The following CLVS1 variants were observed in gnomAD, a reference collection of about 807,000 sequenced individuals.
CLVS1 encodes the protein clavesin-1.
In CLVS1, 10 loss-of-function variants were observed where a neutral mutation model predicts 33.1. The ratio of observed to expected loss-of-function variants is 0.30; its 90% CI spans 0.19 to 0.51. The LOEUF is 0.51. CLVS1 is among the 20% of genes least tolerant of loss of function. The pLI, the probability that CLVS1 is intolerant of heterozygous loss-of-function variation, is 0.97. For missense variants in CLVS1, 343 were observed against 433.4 expected, an observed-to-expected ratio of 0.79 and a Z score of 1.85; for synonymous variants, 163 against 166.1, an observed-to-expected ratio of 0.98 and a Z score of 0.14.
chr8:61,129,420 C>T (rs1468214279), intron 1 of CLVS1, among the ~76,000 whole-genome samples: 3 of 152,210 alleles, frequency 2.0e-5, no homozygotes, highest in Non-Finnish European at 4.4e-5. Context: ...TGGGCTAAAC[C>T]TGCATTTACT....
At chr8:61,448,709 CT>C (rs1178294628) in intron 3 of CLVS1, among the ~76,000 whole-genome samples, 47 of 144,694 alleles carry the variant, frequency 3.2e-4, no homozygotes, top group Non-Finnish European at 5.8e-4. Context: ...GACCCTCTCT[CT>C]CAAAAAAAAA....
chr8:61,277,193 C>A (rs1440472088), intron 2 of CLVS1, among the ~76,000 whole-genome samples: 1 of 152,140 alleles, frequency 6.6e-6, no homozygotes, highest in African/African-American at 2.4e-5. Context: ...AAGAATGAAG[C>A]TTTTGCCCTC....
rs890580626 is a variant in CLVS1 at position 61,320,015 on chromosome 8, C to T, written c.455+19733C>T. On this transcript the variant is annotated intron_variant, in intron 2 of 5. Coordinates refer to ENST00000325897, the MANE Select transcript of CLVS1 (RefSeq NM_173519.3). ...TGTAACTGCATTTTTATCAATTTCT[C>T]GGTAGGTTTGCTTCCTTAAGTACTA... Among the ~76,000 whole-genome samples, 6 of 151,978 alleles carry T rather than the reference C, an allele frequency of 3.9e-5. 1 individual carries two copies. Among genetic ancestry groups the T allele is most frequent in the African/African-American group, 2.4e-5 (1 of 41,502 alleles).
intron 2 of CLVS1, among the ~76,000 whole-genome samples, chr8:61,266,289 CTTTCT>C (rs1002520762): frequency 9.7e-4 from 107 of 109,842 alleles, no homozygotes; most frequent in Non-Finnish European, 1.3e-3. Flanking sequence ...TCCAAATTTT[CTTTCT>C]TTTTTTTTTT....
chr8:61,398,748 G>A (rs1814635335), intron 3 of CLVS1, among the ~76,000 whole-genome samples: 1 of 152,000 alleles, frequency 6.6e-6, no homozygotes, highest in Admixed American at 6.6e-5. Flanking sequence ...TTCCCCACTT[G>A]TATTCACATG....
intron 2 of CLVS1, among the ~76,000 whole-genome samples, chr8:61,332,964 A>G (rs996714480): frequency 1.3e-5 from 2 of 152,166 alleles, no homozygotes; most frequent in African/African-American, 4.8e-5. Context: ...TTCCATCTTC[A>G]TGTATAAAGA....
chr8:61,154,315 G>C (rs904037714), intron 2 of CLVS1, among the ~76,000 whole-genome samples: 5 of 151,956 alleles, frequency 3.3e-5, no homozygotes, highest in Admixed American at 3.3e-4. Context: ...AGCTCTGAAT[G>C]AAAGTGGCTC....
chr8:61,002,689 A>G, the CLVS1 span, among the ~76,000 whole-genome samples: 1 of 152,250 alleles, frequency 6.6e-6, no homozygotes, highest in Admixed American at 6.5e-5. Flanking sequence ...TGCCTTACAC[A>G]TTTGTGAGCC....
intron 1 of CLVS1, among the ~76,000 whole-genome samples, chr8:61,290,106 A>G (rs897732972): frequency 2.6e-5 from 4 of 152,216 alleles, no homozygotes; most frequent in Non-Finnish European, 4.4e-5. Flanking sequence ...AAGAGTGTAC[A>G]TATTGCCAAT....
chr8:61,372,616 T>TAATGTTCTTTTTCTGTCCCAGGATCA (rs1813485361), intron 2 of CLVS1, among the ~76,000 whole-genome samples: 2 of 152,160 alleles, frequency 1.3e-5, no homozygotes, highest in East Asian at 1.9e-4. Flanking sequence ...AGTTTTTACT[T>TAATGTTCTTTTTCTGTCCCAGGATCA]AATGTTCTTT....
chr8:61,040,111 T>C, the CLVS1 span, among the ~76,000 whole-genome samples: 1 of 152,256 alleles, frequency 6.6e-6, no homozygotes, highest in Non-Finnish European at 1.5e-5. Context: ...TTTCCATTCC[T>C]ACATTGATTT....
At position 61,268,337 on chromosome 8, in the gene CLVS1, G is replaced by A. The variant is rs1395562315; in HGVS notation, c.-151-31340G>A. Reference sequence around the variant, plus strand: ...CAATTTCATCCATGTCCCTACAAAGGACATGAACTCATCATTTTTTATGGC... The same window carrying A: ...CAATTTCATCCATGTCCCTACAAAGAACATGAACTCATCATTTTTTATGGC... On this transcript the variant is annotated intron_variant, in intron 2 of 2. Coordinates refer to the CLVS1 transcript ENST00000522621. Among the ~76,000 whole-genome samples the A allele has an allele frequency of 3.4e-3, 510 of 151,884 alleles. 3 individuals are homozygous for A. Among genetic ancestry groups the A allele is most frequent in the African/African-American group, 0.012 (494 of 41,412 alleles).
chr8:61,384,252 A>G (rs1486861962), intron 3 of CLVS1, among the ~76,000 whole-genome samples: 2 of 152,228 alleles, frequency 1.3e-5, no homozygotes, highest in African/African-American at 4.8e-5. Flanking sequence ...CACCATGCTA[A>G]GGAGTTTGTT....
the CLVS1 span, among the ~76,000 whole-genome samples, chr8:61,047,065 G>A: frequency 7.2e-5 from 11 of 152,166 alleles, 1 homozygote; most frequent in African/African-American, 2.2e-4. Context: ...CCTGTCTTGC[G>A]CCAGTTTTCA....
chr8:61,192,046 CA>C (rs1238781818), intron 2 of CLVS1, among the ~76,000 whole-genome samples: 1 of 151,974 alleles, frequency 6.6e-6, no homozygotes, highest in Non-Finnish European at 1.5e-5. Flanking sequence ...CATATGGAAC[CA>C]AAAAAGAGCC....
intron 3 of CLVS1, among the ~76,000 whole-genome samples, chr8:61,412,879 C>G (rs1815286698): frequency 6.6e-6 from 1 of 152,174 alleles, no homozygotes; most frequent in African/African-American, 2.4e-5. Context: ...CTAAACCTTC[C>G]TATCAGAATC....
chr8:61,190,803 A>T lies in CLVS1; in HGVS notation c.-152+58943A>T, dbSNP rs193184688. On this transcript the variant is annotated intron_variant, in intron 2 of 2. Transcript: ENST00000522621. ...AATGCATAAATTCCTGGACACATAC[A>T]CTCTCCCAAGACTAAACAAGGAAGA... 9.2e-5 allele frequency among the ~76,000 whole-genome samples: 14 copies of T among 152,234 alleles called. No homozygotes were observed. The East Asian group carries it at 2.7e-3, about 29-fold the overall frequency.
At position 61,354,429 on chromosome 8, in the gene CLVS1, A is replaced by G. The variant is rs534727267; in HGVS notation, c.456-22176A>G. On this transcript the variant is annotated intron_variant, in intron 2 of 5. Coordinates refer to ENST00000325897, the MANE Select transcript of CLVS1 (RefSeq NM_173519.3). ...TTGGTAGTTTCTTTAAAAAACTGAA[A>G]AAAAACTGTACATGGGATTACCATA... 3.9e-5 allele frequency among the ~76,000 whole-genome samples: 6 copies of G among 152,228 alleles called. No individual in the cohort carries two copies. The South Asian group carries it at 1.2e-3, about 32-fold the overall frequency.
At chr8:61,429,350 G>T (rs1485023825) in intron 3 of CLVS1, among the ~76,000 whole-genome samples, 1 of 150,186 alleles carries the variant, frequency 6.7e-6, no homozygotes, top group Non-Finnish European at 1.5e-5. Flanking sequence ...AACCTGGGAG[G>T]TAGAGGTTGC....
Sources: allele counts gnomAD v4.1 joint callset (sites outside exome capture counted in the v4.1 genomes callset), GRCh38; gene constraint gnomAD v4.1.1; transcripts MANE v1.5; gene names NCBI Gene and HGNC (gene_info 2026-07-23, HGNC 2026-07-21).